ARMC5: variants seen among roughly 807,000 people sequenced by gnomAD.
The protein encoded by ARMC5 is armadillo repeat-containing protein 5.
In ARMC5, 28 loss-of-function variants were observed where a neutral mutation model predicts 60.5. The observed-to-expected ratio is 0.46, with a 90% CI of 0.34 to 0.63. The LOEUF (loss-of-function observed/expected upper bound fraction) is 0.63. ARMC5 is among the 30% of genes least tolerant of loss of function. The pLI, the probability that ARMC5 is intolerant of heterozygous loss-of-function variation, is 0.01. For missense variants in ARMC5, 1,189 were observed against 1,304.9 expected (o/e 0.91, Z 1.37); for synonymous variants, 680 against 607.3 (o/e 1.12, Z -1.76).
chr16:31,464,568 C>T lies in ARMC5; in HGVS notation c.1545C>T (p.Ile515=), dbSNP rs755530065. 33 of 1,583,996 alleles carry T rather than the reference C, an allele frequency of 2.1e-5. 1 individual carries two copies. In the South Asian group the frequency reaches 2.4e-4, roughly 11 times the overall value. Residue 515 remains isoleucine (I), a synonymous_variant, in exon 4 of 6, where the codon ATC becomes ATT. Coordinates refer to ENST00000268314, the MANE Select transcript of ARMC5 (RefSeq NM_001105247.2). This position sits in a 1 kb window ranked among gnomAD's most constrained non-coding sequence, Gnocchi z 7.6. ...CGGGCCGCAGCCCCGCCGCCGCCAT[C>T]GAGGAGCCTTGGGGACGCGAAGGGC... is the stretch of plus-strand genomic sequence containing the variant. ...RTPGRSPAAA[I]EEPWGREGPA...
intron 1 of ARMC5, among the ~76,000 whole-genome samples, chr16:31,461,434 C>T (rs2082302749): frequency 6.6e-6 from 1 of 152,172 alleles, no homozygotes; most frequent in African/African-American, 2.4e-5. Flanking sequence ...AATGCCTTCT[C>T]ACACCCCCAT....
rs1278515510 is a variant in ARMC5, at chr16:31,466,419, G to A, written c.2338G>A (p.Gly780Ser). Residue 780 changes from glycine to serine, a missense_variant, in exon 6 of 6, where the codon GGC (glycine) becomes AGC (serine). By Grantham distance (56) the Gly-to-Ser change is moderately conservative. Around this residue, in one of 2 missense-constraint regions of ARMC5, gnomAD observed 862 missense variants for 1,071.2 expected, o/e 0.80. Transcript: ENST00000268314. This position sits in a 1 kb window ranked among gnomAD's most constrained non-coding sequence, Gnocchi z 8.0. ...ASPFFRALLS[G>S]SFAEAQMDLV... ...CCCTTTCTTCCGGGCCCTGCTGTCAGGCAGCTTTGCAGAAGCCCAGATGGA... is the reference window on the plus strand; with the variant it reads ...CCCTTTCTTCCGGGCCCTGCTGTCAAGCAGCTTTGCAGAAGCCCAGATGGA... The A allele has an allele frequency of 6.2e-7, 1 of 1,612,146 alleles. No homozygotes were observed. Among genetic ancestry groups the A allele is most frequent in the Non-Finnish European group, 8.5e-7 (1 of 1,179,848 alleles).
upstream of ARMC5, chr16:31,458,354 C>A (rs1016088196): frequency 2.0e-5 from 31 of 1,515,918 alleles, no homozygotes; most frequent in Non-Finnish European, 2.7e-5. Context: ...GGAGCTGACG[C>A]TGAAAGTCTT....
chr16:31,459,690 G>C lies in ARMC5; in HGVS notation c.166G>C (p.Gly56Arg), dbSNP rs772390098. The change falls in exon 1 of 6, where the codon GGG becomes CGG. Residue 56 changes from glycine (G) to arginine (R), a missense_variant. Gly to Arg is a moderately radical substitution (Grantham distance 125). Coordinates refer to ENST00000268314, the MANE Select transcript of ARMC5 (RefSeq NM_001105247.2). ...ALRTRHIKAA[G>R]GIERFRARGG... ...CCGCACGCGCCACATCAAGGCAGCG[G>C]GGGGAATCGAGCGCTTCCGGGCACG... 6 of 1,572,208 alleles carry C rather than the reference G, an allele frequency of 3.8e-6. No homozygotes were observed. The African/African-American group carries it at 8.3e-5, about 22-fold the overall frequency.
upstream of ARMC5, chr16:31,459,317 G>T (rs1328764961): frequency 2.6e-6 from 4 of 1,534,988 alleles, no homozygotes; most frequent in South Asian, 4.8e-5. Context: ...CCGCCCGCAC[G>T]TCCCAGGATG....
Position 31,466,738 on chromosome 16 carries a change from G to A in ARMC5, c.2657G>A (p.Arg886His), listed in dbSNP as rs752232472. ...CCCCGGCTGGCTGCCCACTGTGCCC[G>A]CTGGACACTGGGGTCAGAGCAGTGC... ...GRPRLAAHCA[R>H]WTLGSEQCPR... The change falls in exon 6 of 6, where the codon CGC becomes CAC. Residue 886 changes from arginine to histidine, a missense_variant. Physicochemically the swap from Arg to His is conservative, Grantham distance 29. This residue lies in a region of ARMC5 where 862 missense variants were observed against 1,071.2 expected (regional missense o/e 0.80). Transcript: ENST00000268314. The surrounding 1 kb of genome is among the most constrained non-coding windows in gnomAD (Gnocchi z 8.0). 7 of 1,563,670 alleles carry A rather than the reference G, an allele frequency of 4.5e-6. No individual in the cohort carries two copies. The highest frequency in any genetic ancestry group is 6.1e-6 in the Non-Finnish European group (7 of 1,155,472).
At position 31,465,896 on chromosome 16, in the gene ARMC5, T is replaced by C. The variant is rs766887410; in HGVS notation, c.1911T>C (p.Phe637=). ...TGACGGTTCAGGCTGAGTCGCCCTT[T>C]GGGGTTGGGGCCCTGACGCACCTGC... ...QNLTVQAESP[F]GVGALTHLLL... is the part of the protein sequence containing the mutation. Residue 637 remains phenylalanine (F), a synonymous_variant, in exon 5 of 6, where the codon TTT becomes TTC. Transcript: ENST00000268314. The C allele has an allele frequency of 3.1e-6, 5 of 1,609,360 alleles. No homozygotes were observed. The Admixed American group carries it at 8.3e-5, about 27-fold the overall frequency.
At chr16:31,458,995 T>C, upstream of ARMC5, 4 of 1,534,822 alleles carry the variant, frequency 2.6e-6, no homozygotes, top group South Asian at 3.6e-5. Context: ...AACCCTCTTC[T>C]TCCTCTGACC....
Position 31,463,963 on chromosome 16 carries a change from C to T in ARMC5, c.1371-431C>T, listed in dbSNP as rs373889300. ...CTCACTTCCGTTTCTCCCCTTTCTCCGCCCTCCTTCTCTCCCCTGGCTTTA... is the reference window on the plus strand; with the variant it reads ...CTCACTTCCGTTTCTCCCCTTTCTCTGCCCTCCTTCTCTCCCCTGGCTTTA... On this transcript the variant is annotated intron_variant, in intron 3 of 5. Transcript: ENST00000268314. Among the ~76,000 whole-genome samples, 10 of 152,252 alleles carry T rather than the reference C, an allele frequency of 6.6e-5. 1 individual carries two copies. In the South Asian group the frequency reaches 1.5e-3, roughly 22 times the overall value.
Position 31,466,452 on chromosome 16 carries a change from C to T in ARMC5, c.2371C>T (p.Pro791Ser), listed in dbSNP as rs776553258. Residue 791 changes from proline (P) to serine (S), a missense_variant, in exon 6 of 6, where the codon CCC (proline) becomes TCC (serine). By Grantham distance (74) the Pro-to-Ser change is moderately conservative. Coordinates refer to ENST00000268314, the MANE Select transcript of ARMC5 (RefSeq NM_001105247.2). The surrounding 1 kb of genome is among the most constrained non-coding windows in gnomAD (Gnocchi z 8.0). ...TGCAGAAGCCCAGATGGACCTGGTG[C>T]CCCTGCGAGGTCTGTCGCCTGGTGC... is the stretch of plus-strand genomic sequence containing the variant. ...SFAEAQMDLV[P>S]LRGLSPGAAW... 1.2e-6 allele frequency: 2 copies of T among 1,611,740 alleles called. No homozygotes were observed. Among genetic ancestry groups the T allele is most frequent in the South Asian group, 1.1e-5 (1 of 91,086 alleles).
rs757222484 is a variant in ARMC5 at position 31,462,852 on chromosome 16, T to G, written c.1305T>G (p.Ala435=). 1.9e-6 allele frequency: 3 copies of G among 1,613,778 alleles called. No individual in the cohort carries two copies. Among genetic ancestry groups the G allele is most frequent in the Non-Finnish European group, 2.5e-6 (3 of 1,179,888 alleles). The stretch of plus-strand genomic sequence containing the variant: ...AGGAAGAAGAGGGAAGAGAAGCTGC[T>G]TCCTGGGACTTTCCTGAGGAGAGGA... ...GEEEEEGREA[A]SWDFPEERTP... Residue 435 remains alanine, a synonymous_variant, in exon 3 of 6, where the codon GCT becomes GCG. Transcript: ENST00000268314. This position sits in a 1 kb window ranked among gnomAD's most constrained non-coding sequence, Gnocchi z 7.2.
chr16:31,458,957 A>G, upstream of ARMC5: 1 of 1,535,618 alleles, frequency 6.5e-7, no homozygotes, highest in South Asian at 1.2e-5. Context: ...CACTCTAGGA[A>G]GCGGCAGCGA....
Position 31,460,457 on chromosome 16 carries a change from T to C in ARMC5, c.475+458T>C, listed in dbSNP as rs571082935. Among the ~76,000 whole-genome samples the C allele has an allele frequency of 1.1e-4, 16 of 152,314 alleles. 1 individual carries two copies. The highest frequency in any genetic ancestry group is 1.0e-3 in the Admixed American group (16 of 15,294). Reference sequence around the variant, plus strand: ...CTAACCCCTCCGAGGCTAGGATTCCTTGTAAAATGGGGCAATAATAGCTAC... The same window carrying C: ...CTAACCCCTCCGAGGCTAGGATTCCCTGTAAAATGGGGCAATAATAGCTAC... On this transcript the variant is annotated intron_variant, in intron 1 of 5. Coordinates refer to ENST00000268314, the MANE Select transcript of ARMC5 (RefSeq NM_001105247.2).
chr16:31,461,056 C>G (rs2082299877), intron 1 of ARMC5, among the ~76,000 whole-genome samples: 1 of 152,200 alleles, frequency 6.6e-6, no homozygotes, highest in African/African-American at 2.4e-5. Context: ...CCCCATCATT[C>G]AGCTACTATT....
rs2082310802 is a variant in ARMC5 at position 31,462,300 on chromosome 16, T to A, written c.753T>A (p.Asp251Glu). The stretch of plus-strand genomic sequence containing the variant: ...CCGAGCTCCTGGCCACTGCCCCAGA[T>A]GCTGCACTGACCTTAGCCCTCGTCC... ...PLAELLATAP[D>E]AALTLALVRA... Residue 251 changes from aspartate (D) to glutamate (E), a missense_variant, in exon 3 of 6, where the codon GAT becomes GAA. Transcript: ENST00000268314. The surrounding 1 kb of genome is among the most constrained non-coding windows in gnomAD (Gnocchi z 7.2). 3 of 1,610,312 alleles carry A rather than the reference T, an allele frequency of 1.9e-6. No homozygotes were observed. In the African/African-American group the frequency reaches 4.0e-5, roughly 21 times the overall value.
At chr16:31,461,709 C>T (rs893896024) in intron 1 of ARMC5, among the ~76,000 whole-genome samples, 1 of 152,112 alleles carries the variant, frequency 6.6e-6, no homozygotes. Flanking sequence ...GGTTTGGCCC[C>T]GTTGGCCAGG....
Position 31,466,154 on chromosome 16 carries a change from G to A in ARMC5, c.2073G>A (p.Pro691=), listed in dbSNP as rs146763279. ...TCCTCCTTGCGGCGCTGACCCGGCC[G>A]GCCCCACACCCGCTCTTCCTCTTCT... ...LRLLLAALTR[P]APHPLFLFFA... Residue 691 remains proline (P), a synonymous_variant, in exon 6 of 6, where the codon CCG becomes CCA. Transcript: ENST00000268314. This position sits in a 1 kb window ranked among gnomAD's most constrained non-coding sequence, Gnocchi z 8.0. 9.2e-4 allele frequency: 1,483 copies of A among 1,607,958 alleles called. 8 individuals carry two copies. In the African/African-American group the frequency reaches 0.016, roughly 18 times the overall value.
upstream of ARMC5, chr16:31,458,309 T>C: frequency 8.1e-7 from 1 of 1,234,846 alleles, no homozygotes; most frequent in Non-Finnish European, 1.1e-6. Context: ...GGTAAGGCTT[T>C]TAGCGGTGTG....
At chr16:31,463,048 T>G (rs1386067927) in intron 3 of ARMC5, 131 bp downstream of exon 3, 3 of 978,492 alleles carry the variant, frequency 3.1e-6, no homozygotes, top group Non-Finnish European at 4.3e-6. Context: ...GACTCCTGAT[T>G]CCCACACGAC....
Sources: gnomAD v4.1 joint callset for allele counts (sites outside exome capture counted in the v4.1 genomes callset) on GRCh38, gnomAD v4.1.1 for gene constraint, gnomAD v4.1.1 regional missense constraint, Gnocchi (gnomAD v3.1) non-coding constraint, MANE v1.5 for transcripts, NCBI Gene and HGNC (gene_info 2026-07-23, HGNC 2026-07-21) for gene names.